The following CTNND2 variants were observed in gnomAD, a reference collection of about 807,000 sequenced individuals.
CTNND2 encodes the protein catenin delta-2.
CTNND2 carries 22 observed loss-of-function variants against 144.4 expected under a neutral mutation model. The ratio of observed to expected loss-of-function variants is 0.15; its 90% confidence interval spans 0.11 to 0.22. The LOEUF is 0.22. Ranked by LOEUF, CTNND2 falls within the 10% of genes least tolerant of loss-of-function variation. The pLI is 1.00. For synonymous variants in CTNND2, 751 were observed against 695.6 expected (o/e 1.08, Z -1.25); for missense variants, 1,353 against 1,618.8 (o/e 0.84, Z 2.82).
At chr5:11,377,104 G>A (rs1758015211) in intron 7 of CTNND2, among the ~76,000 whole-genome samples, 1 of 150,982 alleles carries the variant, frequency 6.6e-6, no homozygotes, top group African/African-American at 2.4e-5. Context: ...AGGCTGGAGT[G>A]CAATGGCACG....
At chr5:11,730,035 C>T (rs1381044608) in intron 2 of CTNND2, among the ~76,000 whole-genome samples, 1 of 152,014 alleles carries the variant, frequency 6.6e-6, no homozygotes, top group Non-Finnish European at 1.5e-5. Context: ...CTTTTTCTCA[C>T]CAACATTAGG....
At chr5:11,548,784 T>A (rs1287523852) in intron 3 of CTNND2, among the ~76,000 whole-genome samples, 2 of 152,212 alleles carry the variant, frequency 1.3e-5, no homozygotes, top group Admixed American at 1.3e-4. Context: ...TCCCTTATTT[T>A]GTAGTTGTCA....
intron 10 of CTNND2, among the ~76,000 whole-genome samples, chr5:11,223,280 T>C (rs1561046260): frequency 6.6e-6 from 1 of 152,176 alleles, no homozygotes; most frequent in Non-Finnish European, 1.5e-5. Context: ...CCTTTAAGCA[T>C]AAAGGAATAC....
chr5:11,649,328 AT>A (rs1433163012), intron 2 of CTNND2, among the ~76,000 whole-genome samples: 1 of 152,072 alleles, frequency 6.6e-6, no homozygotes, highest in African/African-American at 2.4e-5. Flanking sequence ...TTTTATTTTT[AT>A]TTTTTTAAGA....
chr5:11,718,407 A>T (rs1786474699), intron 2 of CTNND2, among the ~76,000 whole-genome samples: 1 of 152,126 alleles, frequency 6.6e-6, no homozygotes, highest in Non-Finnish European at 1.5e-5. Context: ...CTTCTGTAGG[A>T]AATATCTCCT....
intron 10 of CTNND2, among the ~76,000 whole-genome samples, chr5:11,230,799 A>G (rs111660831): frequency 6.6e-6 from 1 of 152,264 alleles, no homozygotes; most frequent in African/African-American, 2.4e-5. Context: ...AGTTTTTAAA[A>G]ACTTGCTGAT....
At chr5:11,585,050 C>T (rs955759743) in intron 2 of CTNND2, among the ~76,000 whole-genome samples, 3 of 152,092 alleles carry the variant, frequency 2.0e-5, no homozygotes, top group African/African-American at 7.2e-5. Context: ...CAATAATGGC[C>T]ATGCTTTTCA....
chr5:11,661,270 A>G (rs1783188554), intron 2 of CTNND2, among the ~76,000 whole-genome samples: 1 of 152,186 alleles, frequency 6.6e-6, no homozygotes, highest in Non-Finnish European at 1.5e-5. Flanking sequence ...AGATTAAGGA[A>G]AGTCACAGAC....
intron 5 of CTNND2, among the ~76,000 whole-genome samples, chr5:11,399,959 T>C (rs1760485603): frequency 6.6e-6 from 1 of 152,250 alleles, no homozygotes; most frequent in Non-Finnish European, 1.5e-5. Context: ...TGAAACACGT[T>C]AAAATTTTAG....
At chr5:11,292,783 T>C (rs889662796) in intron 9 of CTNND2, among the ~76,000 whole-genome samples, 1 of 152,032 alleles carries the variant, frequency 6.6e-6, no homozygotes, top group Admixed American at 6.6e-5. Flanking sequence ...TCAGGGAGAA[T>C]ACCATGTGAA....
chr5:11,699,787 G>T (rs894048696), intron 2 of CTNND2, among the ~76,000 whole-genome samples: 1 of 152,172 alleles, frequency 6.6e-6, no homozygotes, highest in African/African-American at 2.4e-5. Flanking sequence ...TTTCTAACTT[G>T]TACCTGTCCT....
At chr5:11,525,730 C>A (rs1336732580) in intron 3 of CTNND2, among the ~76,000 whole-genome samples, 3 of 152,100 alleles carry the variant, frequency 2.0e-5, no homozygotes, top group Non-Finnish European at 2.9e-5. Context: ...GGTTAACTGG[C>A]ACGCCTACAC....
intron 2 of CTNND2, among the ~76,000 whole-genome samples, chr5:11,611,372 T>C (rs1418263161): frequency 1.3e-5 from 2 of 152,182 alleles, no homozygotes; most frequent in Admixed American, 6.5e-5. Flanking sequence ...GCAAAACCTG[T>C]CAAGTCTGCA....
rs546330878 is a variant in CTNND2, at chr5:10,988,321, A to G, written c.3212-79T>C. Reference sequence around the variant, plus strand: ...TGCCTTCCACACAGTCAGGGTCCTCACTATGCATGGTCCCGCATCTCAATG... The same window carrying G: ...TGCCTTCCACACAGTCAGGGTCCTCGCTATGCATGGTCCCGCATCTCAATG... On this transcript the variant is annotated intron_variant, in intron 19 of 21. Transcript: ENST00000304623. The surrounding 1 kb of genome is among the most constrained non-coding windows in gnomAD (Gnocchi z 5.9). 571 of 1,552,506 alleles carry G rather than the reference A, an allele frequency of 3.7e-4. 2 individuals carry two copies. In the African/African-American group the frequency reaches 6.8e-3, roughly 19 times the overall value.
At chr5:11,440,621 T>C (rs1216316814) in intron 3 of CTNND2, among the ~76,000 whole-genome samples, 1 of 152,232 alleles carries the variant, frequency 6.6e-6, no homozygotes, top group South Asian at 2.1e-4. Flanking sequence ...AAGTGTATTT[T>C]GATTTCCTAC....
intron 2 of CTNND2, among the ~76,000 whole-genome samples, chr5:11,677,457 A>T (rs2126617477): frequency 6.6e-6 from 1 of 152,332 alleles, no homozygotes; most frequent in East Asian, 1.9e-4. Context: ...ATTTGTCTGA[A>T]GTTTTCTTTC....
At chr5:11,850,830 C>T (rs1414316869) in intron 1 of CTNND2, among the ~76,000 whole-genome samples, 1 of 152,086 alleles carries the variant, frequency 6.6e-6, no homozygotes, top group African/African-American at 2.4e-5. Flanking sequence ...CTGAAGCTTC[C>T]ACATTTGCTG....
intron 1 of CTNND2, among the ~76,000 whole-genome samples, chr5:11,899,213 T>C (rs370775050): frequency 5.6e-4 from 86 of 152,326 alleles, no homozygotes; most frequent in African/African-American, 1.9e-3. Flanking sequence ...AGATTCATGC[T>C]CGGTGGTTCT....
At chr5:11,022,621 G>T in intron 17 of CTNND2, 148 bp downstream of exon 17, 2 of 664,868 alleles carry the variant, frequency 3.0e-6, no homozygotes, top group Non-Finnish European at 5.3e-6. Context: ...AGAGAAGACT[G>T]GAAACCATTT....
Sources: gnomAD v4.1 joint callset for allele counts (sites outside exome capture counted in the v4.1 genomes callset) on GRCh38, gnomAD v4.1.1 for gene constraint, Gnocchi (gnomAD v3.1) non-coding constraint, MANE v1.5 for transcripts, NCBI Gene and HGNC (gene_info 2026-07-23, HGNC 2026-07-21) for gene names.